DOCK1: variants seen among roughly 807,000 people sequenced by gnomAD.
DOCK1 encodes the protein dedicator of cytokinesis protein 1.
DOCK1 carries 138 observed loss-of-function variants against 262.7 expected under a neutral mutation model. The ratio of observed to expected loss-of-function variants is 0.53; its 90% CI spans 0.46 to 0.61. The LOEUF (loss-of-function observed/expected upper bound fraction) is 0.61, where lower values mean the gene tolerates loss of function less well. Ranked by LOEUF, DOCK1 falls within the 20% of genes least tolerant of loss-of-function variation. The pLI is 0.00. For synonymous variants in DOCK1, 866 were observed against 867.4 expected (o/e 1.00, Z 0.03); for missense variants, 1,908 against 2,370.7 (o/e 0.80, Z 4.05).
intron 27 of DOCK1, among the ~76,000 whole-genome samples, chr10:127,152,536 G>T (rs1031182243): frequency 6.6e-6 from 1 of 152,166 alleles, no homozygotes; most frequent in South Asian, 2.1e-4. Flanking sequence ...ACACTCTAAG[G>T]TGGGGGTGGT....
At chr10:127,238,575 G>A (rs1319657720) in intron 27 of DOCK1, among the ~76,000 whole-genome samples, 5 of 152,160 alleles carry the variant, frequency 3.3e-5, no homozygotes, top group African/African-American at 1.2e-4. Flanking sequence ...CTATATGTCT[G>A]TGTAGACACA....
In DOCK1 at chr10:127,333,658, G is replaced by A. The variant is rs550216795; in HGVS notation, c.3045-5348G>A. On this transcript the variant is annotated intron_variant, in intron 29 of 51. Coordinates refer to ENST00000623213, the MANE Select transcript of DOCK1 (RefSeq NM_001290223.2). ...GTTCAAGAACAAAAGCAAGGCTGGC[G>A]GGACCTCCTCCAGAACCTTCATGCT... Among the ~76,000 whole-genome samples the A allele has an allele frequency of 6.5e-4, 99 of 152,262 alleles. 2 individuals carry two copies. Among genetic ancestry groups the A allele is most frequent in the South Asian group, 4.1e-4 (2 of 4,822 alleles).
rs547024692 is a variant in DOCK1 at position 127,112,196 on chromosome 10, G to A, written c.2623+1842G>A. On this transcript the variant is annotated intron_variant, in intron 25 of 51. Coordinates refer to ENST00000623213, the MANE Select transcript of DOCK1 (RefSeq NM_001290223.2). ...CTAGCTAATTTCTGTATTTTTAGTAGAGATGGGGTTTCACCATGTTGGTCA... is the reference window on the plus strand; with the variant it reads ...CTAGCTAATTTCTGTATTTTTAGTAAAGATGGGGTTTCACCATGTTGGTCA... Among the ~76,000 whole-genome samples, 88 of 152,184 alleles carry A rather than the reference G, an allele frequency of 5.8e-4. 2 individuals carry two copies. The South Asian group carries it at 0.017, about 30-fold the overall frequency.
chr10:127,148,211 T>C (rs1280093224), intron 27 of DOCK1, among the ~76,000 whole-genome samples: 4 of 152,172 alleles, frequency 2.6e-5, no homozygotes, highest in African/African-American at 9.6e-5. Context: ...AGCCCACTCA[T>C]TGATCCACTG....
intron 35 of DOCK1, among the ~76,000 whole-genome samples, chr10:127,377,891 C>CAAA (rs71490127): frequency 2.9e-5 from 3 of 104,726 alleles, no homozygotes; most frequent in East Asian, 2.8e-4. Flanking sequence ...GACTCTGTCT[C>CAAA]AAAAAAAAAA....
At chr10:127,062,366 G>T (rs1350629713) in intron 23 of DOCK1, among the ~76,000 whole-genome samples, 1 of 152,162 alleles carries the variant, frequency 6.6e-6, no homozygotes, top group African/African-American at 2.4e-5. Flanking sequence ...GCATCACCTT[G>T]AACATTTTTC....
chr10:127,123,986 T>C (rs893358172), intron 25 of DOCK1, among the ~76,000 whole-genome samples: 1 of 152,224 alleles, frequency 6.6e-6, no homozygotes, highest in Non-Finnish European at 1.5e-5. Context: ...ATGGAGTTGC[T>C]CTCACTCCTT....
intron 30 of DOCK1, among the ~76,000 whole-genome samples, chr10:127,341,467 T>C (rs1293039658): frequency 6.6e-6 from 1 of 152,234 alleles, no homozygotes; most frequent in Non-Finnish European, 1.5e-5. Flanking sequence ...TGGAATCCCA[T>C]TGAATTGATA....
chr10:127,300,593 A>G (rs1161303364), intron 29 of DOCK1, among the ~76,000 whole-genome samples: 2 of 152,228 alleles, frequency 1.3e-5, no homozygotes, highest in Non-Finnish European at 2.9e-5. Context: ...CAGTCATGCT[A>G]GTATCAAAAA....
chr10:127,189,585 G>C (rs1283178157), intron 27 of DOCK1, among the ~76,000 whole-genome samples: 1 of 152,222 alleles, frequency 6.6e-6, no homozygotes, highest in East Asian at 1.9e-4. Flanking sequence ...GGATATGAAT[G>C]ACTTCAGTGA....
chr10:127,060,260 G>T (rs4751519), intron 22 of DOCK1, among the ~76,000 whole-genome samples: 1 of 152,052 alleles, frequency 6.6e-6, no homozygotes, highest in East Asian at 1.9e-4. Context: ...GATGGCTCCC[G>T]AAGGGTTGCA....
rs1198670476 is a variant in DOCK1 at position 127,330,043 on chromosome 10, G to A, written c.3045-8963G>A. Among the ~76,000 whole-genome samples the A allele has an allele frequency of 2.6e-5, 4 of 152,216 alleles. No homozygotes were observed. The East Asian group carries it at 5.8e-4, about 22-fold the overall frequency. On this transcript the variant is annotated intron_variant, in intron 29 of 51. Transcript: ENST00000623213. ...TCCAGACTGGTTTATCCTAACACTT[G>A]CTAACTCCGCGTTGGGGCTCCTAGT...
chr10:126,927,996 C>T (rs906222202), intron 1 of DOCK1, among the ~76,000 whole-genome samples: 3 of 152,114 alleles, frequency 2.0e-5, no homozygotes, highest in Non-Finnish European at 4.4e-5. Flanking sequence ...CTGCGAACGC[C>T]AGTGAGGGGT....
chr10:127,362,985 A>T lies in DOCK1; in HGVS notation c.3432+773A>T, dbSNP rs58757446. Among the ~76,000 whole-genome samples the T allele has an allele frequency of 3.6e-3, 160 of 44,270 alleles. 7 individuals are homozygous for T. Among genetic ancestry groups the T allele is most frequent in the African/African-American group, 0.017 (152 of 8,720 alleles). 29.0% of individuals were successfully genotyped at this position (44,270 alleles called of 152,430 possible). A position where few individuals can be genotyped will look rare whatever the true frequency, so the allele number is the denominator to read the frequency against. ...TCCCCACATACACATACACATACAC[A>T]TCCCCCCCCACACACACACGCACAT... On this transcript the variant is annotated intron_variant, in intron 33 of 51. Coordinates refer to ENST00000623213, the MANE Select transcript of DOCK1 (RefSeq NM_001290223.2).
intron 10 of DOCK1, 105 bp downstream of exon 10, chr10:127,000,412 A>T: frequency 7.0e-7 from 1 of 1,433,218 alleles, no homozygotes; most frequent in African/African-American, 1.4e-5. Flanking sequence ...TGTGATTTAT[A>T]AGCTTTTCTG....
At chr10:127,128,329 T>C (rs1365895260) in intron 27 of DOCK1, among the ~76,000 whole-genome samples, 2 of 90,258 alleles carry the variant, frequency 2.2e-5, no homozygotes, top group Admixed American at 1.2e-4. Flanking sequence ...TGAGTAGATC[T>C]CGTTTAATTT....
intron 21 of DOCK1, among the ~76,000 whole-genome samples, chr10:127,045,396 C>G (rs1280511318): frequency 6.6e-6 from 1 of 152,078 alleles, no homozygotes; most frequent in Non-Finnish European, 1.5e-5. Flanking sequence ...ACTGAGATAG[C>G]TCTGACCACA....
chr10:127,372,673 A>C (rs2065269247), intron 33 of DOCK1, among the ~76,000 whole-genome samples: 1 of 152,198 alleles, frequency 6.6e-6, no homozygotes. Flanking sequence ...TGGGATCCTA[A>C]TAACAGCAGG....
chr10:126,933,667 C>T (rs1178531581), intron 1 of DOCK1, among the ~76,000 whole-genome samples: 1 of 152,080 alleles, frequency 6.6e-6, no homozygotes, highest in Non-Finnish European at 1.5e-5. Context: ...CGGGAGGTTC[C>T]GCCCCTGGAA....
Sources: allele counts gnomAD v4.1 joint callset (sites outside exome capture counted in the v4.1 genomes callset), GRCh38; gene constraint gnomAD v4.1.1; transcripts MANE v1.5; gene names NCBI Gene and HGNC (gene_info 2026-07-23, HGNC 2026-07-21).